Variants in COG5 observed in about 807,000 individuals in gnomAD.
The protein encoded by COG5 is component of oligomeric golgi complex 5.
In COG5, 86 loss-of-function variants were observed where a neutral mutation model predicts 110.4. That is an observed-to-expected ratio of 0.78 (90% CI 0.65 to 0.93). COG5 has a LOEUF of 0.93. Among genes scored for constraint, COG5 ranks in the 40% least tolerant of loss-of-function variants. The pLI, the probability that COG5 is intolerant of heterozygous loss-of-function variation, is 0.00. For synonymous variants in COG5, 360 were observed against 334.6 expected, an observed-to-expected ratio of 1.08 and a Z score of -0.83; for missense variants, 1,077 against 987.0, an observed-to-expected ratio of 1.09 and a Z score of -1.22.
intron 6 of COG5, among the ~76,000 whole-genome samples, chr7:107,416,041 A>ACACACATACACGTATGT (rs1563021792): frequency 1.4e-5 from 2 of 141,620 alleles, no homozygotes; most frequent in African/African-American, 5.3e-5. Flanking sequence ...TGTATATATA[A>ACACACATACACGTATGT]ATAGCAACAT....
chr7:107,282,859 C>T (rs1290756466), intron 13 of COG5, among the ~76,000 whole-genome samples: 4 of 152,128 alleles, frequency 2.6e-5, no homozygotes, highest in Non-Finnish European at 5.9e-5. Context: ...GAATCACCAT[C>T]TTCAAATCTT....
intron 17 of COG5, 48 bp from the exon 18 acceptor site, chr7:107,236,735 A>C: frequency 8.1e-7 from 1 of 1,236,666 alleles, no homozygotes; most frequent in Non-Finnish European, 1.2e-6. Flanking sequence ...ACTAAATCAC[A>C]CTCTTTGATT....
At chr7:107,395,539 ATCTT>A (rs869271365) in intron 7 of COG5, among the ~76,000 whole-genome samples, 2 of 120,208 alleles carry the variant, frequency 1.7e-5, no homozygotes, top group Admixed American at 8.7e-5. Context: ...CATGAAGCAG[ATCTT>A]TTTTTTTTTT....
intron 6 of COG5, among the ~76,000 whole-genome samples, chr7:107,421,840 AC>A (rs931660809): frequency 1.1e-4 from 17 of 152,190 alleles, no homozygotes; most frequent in African/African-American, 2.4e-5. Flanking sequence ...GAAAATTAGT[AC>A]ATTTTTAAAT....
rs534661144 is a variant in COG5 at position 107,244,192 on chromosome 7, C to G, written c.1853+4204G>C. On this transcript the variant is annotated intron_variant, in intron 17 of 21. Coordinates refer to ENST00000297135, the MANE Select transcript of COG5 (RefSeq NM_006348.5). ...GCTTGAACCGAGGAGGTGGAGGCAG[C>G]AGTGAGCCAAGATCACGCCACTGCA... 2.0e-5 allele frequency among the ~76,000 whole-genome samples: 3 copies of G among 152,248 alleles called. No individual in the cohort carries two copies. In the East Asian group the frequency reaches 5.8e-4, roughly 29 times the overall value.
At chr7:107,539,105 C>T (rs1020875613) in intron 5 of COG5, among the ~76,000 whole-genome samples, 9 of 151,910 alleles carry the variant, frequency 5.9e-5, no homozygotes, top group East Asian at 1.9e-4. Context: ...TAGTGAGAGA[C>T]ACTGTCTAAA....
intron 12 of COG5, among the ~76,000 whole-genome samples, chr7:107,293,910 A>T (rs1051682101): frequency 4.6e-5 from 7 of 151,936 alleles, no homozygotes; most frequent in African/African-American, 1.5e-4. Flanking sequence ...TGTCTCTACT[A>T]AAAATACAAA....
At chr7:107,261,055 AT>A (rs1368286163) in intron 14 of COG5, among the ~76,000 whole-genome samples, 1 of 151,940 alleles carries the variant, frequency 6.6e-6, no homozygotes, top group Non-Finnish European at 1.5e-5. Flanking sequence ...ATCCACGCAT[AT>A]TCAAGTCCCA....
At chr7:107,458,731 T>C (rs1159241960) in intron 6 of COG5, among the ~76,000 whole-genome samples, 2 of 151,922 alleles carry the variant, frequency 1.3e-5, no homozygotes, top group Admixed American at 6.6e-5. Context: ...TGGTGGTAAG[T>C]GCTTGTAGTT....
At chr7:107,306,161 T>C (rs969362329) in intron 11 of COG5, among the ~76,000 whole-genome samples, 1 of 152,042 alleles carries the variant, frequency 6.6e-6, no homozygotes, top group Non-Finnish European at 1.5e-5. Context: ...TACAAAACAA[T>C]GACAAAACAA....
At chr7:107,414,910 T>C (rs1447140649) in intron 6 of COG5, among the ~76,000 whole-genome samples, 2 of 151,774 alleles carry the variant, frequency 1.3e-5, no homozygotes, top group African/African-American at 2.4e-5. Context: ...TGTATTTTAG[T>C]AGAGACGGGG....
rs10706886 is a variant in COG5, at chr7:107,542,971, C to CA, written c.417+5139dup. Among the ~76,000 whole-genome samples the CA allele has an allele frequency of 1.7e-3, 210 of 120,140 alleles. 1 individual carries two copies. Among genetic ancestry groups the CA allele is most frequent in the South Asian group, 7.3e-3 (25 of 3,440 alleles). The allele number at this position is 120,140 out of a possible 152,430, so 78.8% of individuals were successfully genotyped here. On this transcript the variant is annotated intron_variant, in intron 5 of 21. Transcript: ENST00000297135. ...TAGGCAACAGAGCACAACTCTGTCT[C>CA]AAAAAAAAAAAAAAAGGGAAAAGCA...
intron 5 of COG5, among the ~76,000 whole-genome samples, chr7:107,530,608 A>AC (rs1476007483): frequency 1.9e-4 from 29 of 150,862 alleles, no homozygotes; most frequent in African/African-American, 6.6e-4. Context: ...TCTCAAAAAA[A>AC]AAAAAAAAAA....
intron 18 of COG5, among the ~76,000 whole-genome samples, chr7:107,235,094 G>T (rs974813208): frequency 6.6e-6 from 1 of 152,172 alleles, no homozygotes; most frequent in African/African-American, 2.4e-5. Context: ...AGATGAAAAT[G>T]ACTAACTGCT....
chr7:107,547,477 C>G (rs1325662506), intron 5 of COG5, among the ~76,000 whole-genome samples: 1 of 152,176 alleles, frequency 6.6e-6, no homozygotes, highest in Non-Finnish European at 1.5e-5. Flanking sequence ...AGGATGCACA[C>G]TCTCACCACT....
intron 10 of COG5, among the ~76,000 whole-genome samples, chr7:107,336,622 G>C (rs1350900189): frequency 6.6e-6 from 1 of 152,102 alleles, no homozygotes; most frequent in Non-Finnish European, 1.5e-5. Context: ...TTATATGAAT[G>C]TAACAAATTA....
intron 6 of COG5, among the ~76,000 whole-genome samples, chr7:107,522,400 G>A (rs1584929176): frequency 6.6e-6 from 1 of 152,130 alleles, no homozygotes; most frequent in African/African-American, 2.4e-5. Flanking sequence ...CCCAGGAGGC[G>A]GAGGTTGCGG....
chr7:107,362,265 GTTAATCCATA>G, intron 9 of COG5, 33 bp downstream of exon 9: 1 of 1,504,884 alleles, frequency 6.6e-7, no homozygotes, highest in Non-Finnish European at 9.2e-7. Context: ...ATAACCAGGA[GTTAATCCATA>G]TTAATGTTTT....
chr7:107,535,422 T>C (rs886160010), intron 5 of COG5, among the ~76,000 whole-genome samples: 6 of 151,422 alleles, frequency 4.0e-5, no homozygotes, highest in African/African-American at 9.8e-5. Flanking sequence ...CTAGCCAGAC[T>C]AACACAGAAG....
Sources: gnomAD v4.1 joint callset for allele counts (sites outside exome capture counted in the v4.1 genomes callset) on GRCh38, gnomAD v4.1.1 for gene constraint, MANE v1.5 for transcripts, NCBI Gene and HGNC (gene_info 2026-07-23, HGNC 2026-07-21) for gene names.